STAU1: variants seen among roughly 807,000 people sequenced by gnomAD.
STAU1 encodes staufen double-stranded RNA binding protein 1.
In STAU1, 13 loss-of-function variants were observed where a neutral mutation model predicts 62.9. That is an observed-to-expected ratio of 0.21 (90% CI 0.13 to 0.33). The LOEUF is 0.33. STAU1 is among the 10% of genes least tolerant of loss of function. The pLI is 1.00. For synonymous variants in STAU1, 269 were observed against 265.1 expected (o/e 1.01, Z -0.14); for missense variants, 571 against 712.1 (o/e 0.80, Z 2.25).
chr20:49,125,652 C>A (rs1170109542), intron 6 of STAU1, among the ~76,000 whole-genome samples: 1 of 151,834 alleles, frequency 6.6e-6, no homozygotes, highest in African/African-American at 2.4e-5. Context: ...CGAGACCATC[C>A]TGGCTAACAT....
At chr20:49,179,530 A>C (rs2093699222) in intron 1 of STAU1, among the ~76,000 whole-genome samples, 1 of 152,222 alleles carries the variant, frequency 6.6e-6, no homozygotes, top group South Asian at 2.1e-4. Flanking sequence ...TTGTGCAACA[A>C]GGAAAATAAG....
At chr20:49,217,934 T>C in the STAU1 span, among the ~76,000 whole-genome samples, 1 of 150,238 alleles carries the variant, frequency 6.7e-6, no homozygotes, top group Non-Finnish European at 1.5e-5. Context: ...AGTGCAATGG[T>C]GTGATCTCAG....
At chr20:49,204,462 G>T in the STAU1 span, among the ~76,000 whole-genome samples, 1 of 150,588 alleles carries the variant, frequency 6.6e-6, no homozygotes, top group Non-Finnish European at 1.5e-5. Flanking sequence ...CCAACAAATG[G>T]ATATGTTATT....
At chr20:49,204,864 G>A in the STAU1 span, among the ~76,000 whole-genome samples, 501 of 151,286 alleles carry the variant, frequency 3.3e-3, no homozygotes, top group Non-Finnish European at 5.7e-3. Context: ...TGGCCCGGCT[G>A]GTCTCAAACT....
intron 2 of STAU1, among the ~76,000 whole-genome samples, chr20:49,173,467 A>C (rs1018848241): frequency 7.2e-5 from 11 of 152,182 alleles, no homozygotes; most frequent in African/African-American, 1.7e-4. Context: ...GAAAGAAAAG[A>C]AAAGCATTAT....
the STAU1 span, among the ~76,000 whole-genome samples, chr20:49,200,117 C>G: frequency 6.6e-6 from 1 of 152,198 alleles, no homozygotes; most frequent in Non-Finnish European, 1.5e-5. Flanking sequence ...TACAACCCAG[C>G]AGTCCCAGTC....
chr20:49,120,742 C>T (rs966037905), intron 8 of STAU1, among the ~76,000 whole-genome samples: 1 of 152,204 alleles, frequency 6.6e-6, no homozygotes, highest in Non-Finnish European at 1.5e-5. Flanking sequence ...AGAGAAGCCA[C>T]TCATATCATT....
chr20:49,126,471 A>G (rs2092615668), intron 6 of STAU1, among the ~76,000 whole-genome samples: 1 of 150,750 alleles, frequency 6.6e-6, no homozygotes, highest in South Asian at 2.1e-4. Context: ...GGGAGGCTAA[A>G]ACAGGAGGAT....
intron 3 of STAU1, among the ~76,000 whole-genome samples, chr20:49,155,432 A>G (rs536489612): frequency 6.6e-6 from 1 of 152,318 alleles, no homozygotes; most frequent in Non-Finnish European, 1.5e-5. Flanking sequence ...ACCTTTAAAA[A>G]CCATTTAAAA....
intron 3 of STAU1, among the ~76,000 whole-genome samples, chr20:49,164,367 TACAGCTCATG>T (rs2146370869): frequency 6.6e-6 from 1 of 151,176 alleles, no homozygotes; most frequent in South Asian, 2.1e-4. Flanking sequence ...GTGGTATAAT[TACAGCTCATG>T]GCAGCCTCGA....
At chr20:49,187,870 T>C (rs1284346251) in intron 1 of STAU1, among the ~76,000 whole-genome samples, 1 of 148,330 alleles carries the variant, frequency 6.7e-6, no homozygotes, top group Admixed American at 6.7e-5. Context: ...CAGCACCTGT[T>C]TGTGGCACCG....
At position 49,166,297 on chromosome 20, in the gene STAU1, A is replaced by C. The variant is rs1007093726; in HGVS notation, c.-84-12T>G. Reference sequence around the variant, plus strand: ...GTCTAAAGTTCTACCTAAAAGTTGTAAGGGAAAGAAAATAAAAAGGTAAAT... The same window carrying C: ...GTCTAAAGTTCTACCTAAAAGTTGTCAGGGAAAGAAAATAAAAAGGTAAAT... On this transcript the variant is annotated splice_polypyrimidine_tract_variant and intron_variant, in intron 2 of 13. Transcript: ENST00000371856. The C allele has an allele frequency of 1.7e-5, 18 of 1,089,120 alleles. No homozygotes were observed. The highest frequency in any genetic ancestry group is 2.4e-5 in the Non-Finnish European group (18 of 752,478). The allele number at this position is 1,089,120 out of a possible 1,614,324, so 67.5% of individuals were successfully genotyped here.
intron 9 of STAU1, among the ~76,000 whole-genome samples, chr20:49,119,427 C>T (rs2092412565): frequency 6.6e-6 from 1 of 152,110 alleles, no homozygotes; most frequent in African/African-American, 2.4e-5. Flanking sequence ...CTCAGCCTCC[C>T]AAATTACAAG....
chr20:49,214,209 C>CACAAA, the STAU1 span, among the ~76,000 whole-genome samples: 25 of 150,682 alleles, frequency 1.7e-4, no homozygotes, highest in Admixed American at 1.1e-3. Context: ...TAGACTCTAT[C>CACAAA]ACAAAACAAA....
chr20:49,124,015 TCTC>T (rs2092532029), intron 7 of STAU1, among the ~76,000 whole-genome samples: 2 of 152,058 alleles, frequency 1.3e-5, no homozygotes, highest in Admixed American at 6.6e-5. Context: ...CTGGCACAAA[TCTC>T]CTCCACCTTC....
At chr20:49,170,217 A>T (rs1403096506) in intron 2 of STAU1, among the ~76,000 whole-genome samples, 1 of 152,252 alleles carries the variant, frequency 6.6e-6, no homozygotes, top group Non-Finnish European at 1.5e-5. Context: ...ACCCTTCTAG[A>T]AATGGTTTAC....
Position 49,184,341 on chromosome 20 carries a change from T to C in STAU1, c.-160+3775A>G, listed in dbSNP as rs2093762179. Among the ~76,000 whole-genome samples the C allele has an allele frequency of 2.6e-5, 4 of 152,222 alleles. No homozygotes were observed. The South Asian group carries it at 6.2e-4, about 24-fold the overall frequency. On this transcript the variant is annotated intron_variant, in intron 1 of 13. Coordinates refer to ENST00000371856, the MANE Select transcript of STAU1 (RefSeq NM_017453.4). ...GTTCAGGGTTGGGGTGGCTGGAGCC[T>C]ATCTCAGCAGCTTAGGGTGCAAGGC...
intron 5 of STAU1, among the ~76,000 whole-genome samples, chr20:49,138,532 C>G (rs527994781): frequency 6.6e-6 from 1 of 152,206 alleles, no homozygotes; most frequent in African/African-American, 2.4e-5. Context: ...GACAGTGTCT[C>G]ACACTGTTGC....
chr20:49,158,347 T>C, intron 3 of STAU1: 1 of 893,668 alleles, frequency 1.1e-6, no homozygotes, highest in African/African-American at 1.8e-5. Flanking sequence ...TATCACTTTA[T>C]CTCACTTACA....
Sources: allele counts gnomAD v4.1 joint callset (sites outside exome capture counted in the v4.1 genomes callset), GRCh38; gene constraint gnomAD v4.1.1; transcripts MANE v1.5; gene names NCBI Gene and HGNC (gene_info 2026-07-23, HGNC 2026-07-21).